Variants in RBFOX1 observed in about 807,000 individuals in gnomAD.
The protein encoded by RBFOX1 is RNA binding fox-1 homolog 1.
In RBFOX1, 8 loss-of-function variants were observed where a neutral mutation model predicts 57.7. The observed-to-expected ratio is 0.14, with a 90% CI of 0.08 to 0.25. The LOEUF (loss-of-function observed/expected upper bound fraction) is 0.25. Ranked by LOEUF, RBFOX1 falls within the 10% of genes least tolerant of loss-of-function variation. The probability of loss-of-function intolerance (pLI) is 1.00; values close to 1 mark genes in which losing one functional copy is unlikely to be tolerated. For missense variants in RBFOX1, 611 were observed against 548.5 expected, an observed-to-expected ratio of 1.11 and a Z score of -1.14; for synonymous variants, 326 against 222.4, an observed-to-expected ratio of 1.47 and a Z score of -4.15.
intron 4 of RBFOX1, among the ~76,000 whole-genome samples, chr16:7,502,959 G>A (rs1342566155): frequency 6.6e-6 from 1 of 152,114 alleles, no homozygotes; most frequent in Non-Finnish European, 1.5e-5. Flanking sequence ...GGACACTGAG[G>A]TTGCAGTGAG....
intron 3 of RBFOX1, among the ~76,000 whole-genome samples, chr16:6,764,811 C>T (rs965233282): frequency 6.6e-6 from 1 of 151,974 alleles, no homozygotes; most frequent in Non-Finnish European, 1.5e-5. Context: ...GTGACGGGTG[C>T]CTGTAATCCT....
intron 4 of RBFOX1, among the ~76,000 whole-genome samples, chr16:7,058,705 T>G (rs1432370440): frequency 6.6e-6 from 1 of 152,218 alleles, no homozygotes; most frequent in Non-Finnish European, 1.5e-5. Context: ...TAATTATTGT[T>G]GGATATTAAT....
At chr16:7,011,753 A>G (rs1355723438) in intron 3 of RBFOX1, among the ~76,000 whole-genome samples, 1 of 152,112 alleles carries the variant, frequency 6.6e-6, no homozygotes, top group Non-Finnish European at 1.5e-5. Flanking sequence ...TGACCTCGTG[A>G]TCCGCCTGCC....
chr16:5,399,280 G>C (rs746225651), intron 1 of RBFOX1, among the ~76,000 whole-genome samples: 1 of 152,318 alleles, frequency 6.6e-6, no homozygotes, highest in East Asian at 1.9e-4. Flanking sequence ...GACCTTAGCC[G>C]TGGATGAGGT....
chr16:5,460,728 G>T (rs2068761952), intron 1 of RBFOX1, among the ~76,000 whole-genome samples: 1 of 152,182 alleles, frequency 6.6e-6, no homozygotes, highest in Non-Finnish European at 1.5e-5. Flanking sequence ...TTTCATGCCT[G>T]CTAAAGTAAT....
At chr16:5,241,343 C>G (rs569804280) in intron 1 of RBFOX1, among the ~76,000 whole-genome samples, 2 of 150,852 alleles carry the variant, frequency 1.3e-5, no homozygotes, top group South Asian at 2.1e-4. Context: ...TTTCCAGGGC[C>G]GATCACGGAA....
chr16:6,293,094 T>G (rs534475968), intron 1 of RBFOX1, among the ~76,000 whole-genome samples: 46 of 152,216 alleles, frequency 3.0e-4, no homozygotes, highest in African/African-American at 1.0e-3. Context: ...CAGATAGTAG[T>G]GATTAATATT....
At chr16:6,565,763 C>G (rs1021499830) in intron 2 of RBFOX1, among the ~76,000 whole-genome samples, 1 of 152,204 alleles carries the variant, frequency 6.6e-6, no homozygotes, top group Non-Finnish European at 1.5e-5. Flanking sequence ...TCACTGCACC[C>G]AGCTCACTTT....
chr16:7,165,413 A>T lies in RBFOX1; in HGVS notation c.27+113315A>T, dbSNP rs201273974. On this transcript the variant is annotated intron_variant, in intron 4 of 15. Transcript: ENST00000550418. ...TAATAATAATAATAATAATAATGAT[A>T]ATAATCATTATTATTATTATTATTT... Among the ~76,000 whole-genome samples the T allele has an allele frequency of 3.5e-5, 5 of 141,214 alleles. No homozygotes were observed. In the East Asian group the frequency reaches 6.7e-4, roughly 19 times the overall value. The allele number at this position is 141,214 out of a possible 152,430, so 92.6% of individuals were successfully genotyped here. A position where few individuals can be genotyped will look rare whatever the true frequency, so the allele number is the denominator to read the frequency against.
intron 4 of RBFOX1, among the ~76,000 whole-genome samples, chr16:7,093,613 G>A (rs778501856): frequency 6.6e-6 from 1 of 152,120 alleles, no homozygotes; most frequent in African/African-American, 2.4e-5. Context: ...TGGATGGATC[G>A]AAAGTTAATG....
chr16:7,585,166 C>T (rs2094032011), intron 6 of RBFOX1, among the ~76,000 whole-genome samples: 1 of 152,040 alleles, frequency 6.6e-6, no homozygotes, highest in Non-Finnish European at 1.5e-5. Context: ...ACTGAATATT[C>T]AAGGGTGGTT....
rs1365847976 is a variant in RBFOX1, at chr16:5,640,880, C to T, written c.318+41919C>T. 2.1e-5 allele frequency among the ~76,000 whole-genome samples: 3 copies of T among 143,514 alleles called. No individual in the cohort carries two copies. In the East Asian group the frequency reaches 6.6e-4, roughly 31 times the overall value. The allele number at this position is 143,514 out of a possible 152,430, so 94.2% of individuals were successfully genotyped here. On this transcript the variant is annotated intron_variant, in intron 3 of 19. Coordinates refer to the RBFOX1 transcript ENST00000641259. Reference sequence around the variant, plus strand: ...ACCATGGATACACACACACACACACCATGCATGCAAACCTATGCACATACA... The same window carrying T: ...ACCATGGATACACACACACACACACTATGCATGCAAACCTATGCACATACA...
At chr16:6,268,417 G>A (rs1049730573) in intron 1 of RBFOX1, among the ~76,000 whole-genome samples, 3 of 152,108 alleles carry the variant, frequency 2.0e-5, no homozygotes, top group Admixed American at 2.0e-4. Context: ...TATTCTTTTA[G>A]TGGGTCCAAG....
intron 4 of RBFOX1, among the ~76,000 whole-genome samples, chr16:7,442,627 T>G (rs2098777555): frequency 6.6e-6 from 1 of 152,100 alleles, no homozygotes; most frequent in African/African-American, 2.4e-5. Context: ...TTCTGCTAAA[T>G]TTTTGATAGG....
chr16:7,432,114 C>G (rs989077169), intron 4 of RBFOX1, among the ~76,000 whole-genome samples: 2 of 152,200 alleles, frequency 1.3e-5, no homozygotes, highest in African/African-American at 4.8e-5. Context: ...GATGCCCCCA[C>G]ACTGTGCTGG....
At chr16:6,824,013 G>A (rs1044570532) in intron 3 of RBFOX1, among the ~76,000 whole-genome samples, 1 of 152,222 alleles carries the variant, frequency 6.6e-6, no homozygotes. Flanking sequence ...TGAAAGTGTG[G>A]AGAAAGTGTA....
At chr16:5,765,911 C>T (rs8062590) in intron 3 of RBFOX1, among the ~76,000 whole-genome samples, 22,413 of 152,076 alleles carry the variant, frequency 0.15, 2,006 homozygotes, top group African/African-American at 0.24. Flanking sequence ...GAGGTATCTG[C>T]AGTCTCTGGT....
intron 2 of RBFOX1, among the ~76,000 whole-genome samples, chr16:6,472,531 T>A (rs2095200423): frequency 6.6e-6 from 1 of 152,152 alleles, no homozygotes. Context: ...ATCTGTGGAG[T>A]GAAGGGATTT....
At chr16:7,657,010 C>T (rs1289626269) in intron 12 of RBFOX1, among the ~76,000 whole-genome samples, 1 of 152,168 alleles carries the variant, frequency 6.6e-6, no homozygotes, top group Non-Finnish European at 1.5e-5. Context: ...TAACAAACTA[C>T]ATTTAAGAAT....
Sources: gnomAD v4.1 joint callset for allele counts (sites outside exome capture counted in the v4.1 genomes callset) on GRCh38, gnomAD v4.1.1 for gene constraint, MANE v1.5 for transcripts, NCBI Gene and HGNC (gene_info 2026-07-23, HGNC 2026-07-21) for gene names.